The following LRRC36 variants were observed in gnomAD, a reference collection of about 807,000 sequenced individuals.
The protein encoded by LRRC36 is leucine rich repeat containing 36.
In LRRC36, 62 loss-of-function variants were observed where a neutral mutation model predicts 81.1. The observed-to-expected ratio is 0.76, with a 90% confidence interval of 0.62 to 0.94. LRRC36 has a LOEUF of 0.94. LRRC36 is among the 40% of genes least tolerant of loss of function. LRRC36 has a pLI of 0.00. For missense variants in LRRC36, 761 were observed against 881.7 expected (o/e 0.86, Z 1.73); for synonymous variants, 334 against 348.6 (o/e 0.96, Z 0.47).
At chr16:67,335,891 C>T in intron 1 of LRRC36, among the ~76,000 whole-genome samples, 1 of 152,126 alleles carries the variant, frequency 6.6e-6, no homozygotes, top group Non-Finnish European at 1.5e-5. Flanking sequence ...TGCCACTACG[C>T]CCAGCTAATT....
intron 5 of LRRC36, chr16:67,362,349 G>C (rs556533630): frequency 3.0e-6 from 1 of 328,232 alleles, no homozygotes; most frequent in African/African-American, 2.2e-5. Flanking sequence ...TTTTAGTAGA[G>C]ACGGGATTTC....
intron 1 of LRRC36, among the ~76,000 whole-genome samples, chr16:67,335,195 G>A (rs1405854182): frequency 3.9e-5 from 6 of 152,180 alleles, no homozygotes; most frequent in Non-Finnish European, 8.8e-5. Flanking sequence ...ACGGGAGACC[G>A]GGGCTTATTT....
chr16:67,347,637 A>C (rs1220844865), intron 4 of LRRC36, 46 bp downstream of exon 4: 1 of 1,374,576 alleles, frequency 7.3e-7, no homozygotes, highest in Non-Finnish European at 1.0e-6. Context: ...TTCTGGACAT[A>C]GGAAATAGTG....
At chr16:67,368,030 T>G (rs1195965157) in intron 8 of LRRC36, among the ~76,000 whole-genome samples, 2 of 152,156 alleles carry the variant, frequency 1.3e-5, no homozygotes, top group Admixed American at 6.5e-5. Context: ...CTGCACTCCA[T>G]GGGCAACAGA....
chr16:67,334,533 C>T (rs2037663804), intron 1 of LRRC36, among the ~76,000 whole-genome samples: 1 of 151,884 alleles, frequency 6.6e-6, no homozygotes, highest in African/African-American at 2.4e-5. Flanking sequence ...CCATGTTGGC[C>T]AGGCTGGTCT....
rs774584148 is a variant in LRRC36 at position 67,371,337 on chromosome 16, A to G, written c.1494+95A>G. ...GGGAATGGAGGTGGTTCTGACCAAC[A>G]GGGCTAGAAATTCAAAGAGATTTTC... On this transcript the variant is annotated intron_variant, in intron 9 of 13. Coordinates refer to ENST00000329956, the MANE Select transcript of LRRC36 (RefSeq NM_018296.6). 7.0e-6 allele frequency: 10 copies of G among 1,419,214 alleles called. No individual in the cohort carries two copies. In the Admixed American group the frequency reaches 1.4e-4, roughly 19 times the overall value. The allele number at this position is 1,419,214 out of a possible 1,614,324, so 87.9% of individuals were successfully genotyped here.
At chr16:67,383,020 C>T (rs531729562) in intron 13 of LRRC36, among the ~76,000 whole-genome samples, 1 of 145,806 alleles carries the variant, frequency 6.9e-6, no homozygotes, top group South Asian at 2.2e-4. Context: ...TAGCAGCAAG[C>T]CGAGATCGCG....
At chr16:67,334,649 A>C (rs1010471352) in intron 1 of LRRC36, among the ~76,000 whole-genome samples, 6 of 152,122 alleles carry the variant, frequency 3.9e-5, no homozygotes, top group African/African-American at 1.4e-4. Flanking sequence ...TTATAATAAC[A>C]GTTTTACTAA....
Position 67,374,900 on chromosome 16 carries a change from G to A in LRRC36, c.1495-347G>A, listed in dbSNP as rs538656740. 3.0e-4 allele frequency among the ~76,000 whole-genome samples: 45 copies of A among 151,998 alleles called. No individual in the cohort carries two copies. The South Asian group carries it at 8.1e-3, about 27-fold the overall frequency. On this transcript the variant is annotated intron_variant, in intron 9 of 13. Transcript: ENST00000329956. ...TAATCCCAACACTTTGGGAAGCTGA[G>A]GCGGGACGATCACAAGGTCAGGAGT...
chr16:67,350,433 C>T, intron 5 of LRRC36, 143 bp downstream of exon 5: 2 of 711,082 alleles, frequency 2.8e-6, no homozygotes, highest in East Asian at 5.2e-5. Flanking sequence ...TGTTTTTCTT[C>T]CATCCTCTCA....
chr16:67,348,127 T>C (rs2038441170), intron 4 of LRRC36, among the ~76,000 whole-genome samples: 1 of 152,230 alleles, frequency 6.6e-6, no homozygotes, highest in East Asian at 1.9e-4. Flanking sequence ...CCCCCAAACC[T>C]ATGCTTTTTA....
Position 67,341,903 on chromosome 16 carries a change from C to T in LRRC36, c.71-54C>T, listed in dbSNP as rs1282636990. On this transcript the variant is annotated intron_variant, in intron 1 of 13. Transcript: ENST00000329956. ...GAAGAAAGGCCTACTTTCACTGACTCTGCTGTTGATCCGAGCAGGGATCAT... is the reference window on the plus strand; with the variant it reads ...GAAGAAAGGCCTACTTTCACTGACTTTGCTGTTGATCCGAGCAGGGATCAT... The T allele has an allele frequency of 2.0e-6, 3 of 1,497,678 alleles. No homozygotes were observed. In the African/African-American group the frequency reaches 4.2e-5, roughly 21 times the overall value. 92.8% of individuals were successfully genotyped at this position (1,497,678 alleles called of 1,614,324 possible).
intron 5 of LRRC36, among the ~76,000 whole-genome samples, chr16:67,351,597 C>T (rs2038638425): frequency 6.6e-6 from 1 of 152,180 alleles, no homozygotes; most frequent in South Asian, 2.1e-4. Flanking sequence ...ATCCCAGCTA[C>T]TTGAGTGGCT....
chr16:67,331,545 A>C (rs1032629558), intron 1 of LRRC36, among the ~76,000 whole-genome samples: 1 of 152,212 alleles, frequency 6.6e-6, no homozygotes, highest in Non-Finnish European at 1.5e-5. Flanking sequence ...AATACATTTC[A>C]TCATGAGTTT....
chr16:67,355,560 G>A (rs1184131051), intron 5 of LRRC36, among the ~76,000 whole-genome samples: 1 of 151,432 alleles, frequency 6.6e-6, no homozygotes, highest in Non-Finnish European at 1.5e-5. Context: ...ATTTTTAGTA[G>A]AGACGGGGTT....
chr16:67,384,983 C>T lies in LRRC36; in HGVS notation c.2159C>T (p.Ser720Leu), dbSNP rs763224498. The T allele has an allele frequency of 5.6e-6, 9 of 1,614,028 alleles. No homozygotes were observed. The highest frequency in any genetic ancestry group is 1.6e-4 in the Middle Eastern group (1 of 6,076). The stretch of plus-strand genomic sequence containing the variant: ...AAGGGTCATCATCTGGGGAGATCAT[C>T]GCCCTTTGGGAAAAGCACGTTGTCT... ...PEKGHHLGRS[S>L]PFGKSTLSSS... The change falls in exon 14 of 14, where the codon TCG becomes TTG. Residue 720 changes from serine to leucine, a missense_variant. Physicochemically the swap from Ser to Leu is moderately radical, Grantham distance 145. Transcript: ENST00000329956.
chr16:67,359,986 G>A (rs530623323), intron 5 of LRRC36, among the ~76,000 whole-genome samples: 73 of 152,122 alleles, frequency 4.8e-4, no homozygotes, highest in Non-Finnish European at 8.8e-5. Flanking sequence ...TTTGCTGGGC[G>A]TGGTGGTGCA....
intron 1 of LRRC36, among the ~76,000 whole-genome samples, chr16:67,328,283 C>T (rs939268986): frequency 2.6e-5 from 4 of 152,150 alleles, no homozygotes; most frequent in Non-Finnish European, 5.9e-5. Context: ...GAGGCCGAGG[C>T]GGGCGGATCA....
chr16:67,358,039 A>G (rs992858962), intron 5 of LRRC36, among the ~76,000 whole-genome samples: 1 of 152,242 alleles, frequency 6.6e-6, no homozygotes, highest in African/African-American at 2.4e-5. Context: ...TATATTTTGT[A>G]TCTGAAGAAA....
Sources: gnomAD v4.1 joint callset for allele counts (sites outside exome capture counted in the v4.1 genomes callset) on GRCh38, gnomAD v4.1.1 for gene constraint, MANE v1.5 for transcripts, NCBI Gene and HGNC (gene_info 2026-07-23, HGNC 2026-07-21) for gene names.